Variants in ACER3 observed in about 807,000 individuals in gnomAD.
ACER3 encodes alkaline ceramidase 3, also known as alkCDase 3.
In ACER3, 16 loss-of-function variants were observed where a neutral mutation model predicts 48.9. The ratio of observed to expected loss-of-function variants is 0.33; its 90% CI spans 0.22 to 0.50. ACER3 has a LOEUF of 0.50. Among genes scored for constraint, ACER3 ranks in the 20% least tolerant of loss-of-function variants. The pLI, the probability that ACER3 is intolerant of heterozygous loss-of-function variation, is 0.98. For synonymous variants in ACER3, 109 were observed against 107.8 expected, an observed-to-expected ratio of 1.01 and a Z score of -0.07; for missense variants, 227 against 326.0, an observed-to-expected ratio of 0.70 and a Z score of 2.34.
chr11:76,990,007 C>T (rs1353111182), intron 5 of ACER3, among the ~76,000 whole-genome samples: 2 of 152,206 alleles, frequency 1.3e-5, no homozygotes, highest in African/African-American at 4.8e-5. Context: ...TCTTCACTTA[C>T]TGAGTGCCTA....
intron 1 of ACER3, among the ~76,000 whole-genome samples, chr11:76,896,126 A>G (rs539581689): frequency 1.3e-5 from 2 of 152,280 alleles, no homozygotes; most frequent in Non-Finnish European, 2.9e-5. Context: ...ATTTTTAATT[A>G]TTGCCCCTTT....
Position 76,996,411 on chromosome 11 carries a change from A to G in ACER3, c.439-2352A>G, listed in dbSNP as rs528397919. On this transcript the variant is annotated intron_variant, in intron 6 of 10. Coordinates refer to ENST00000532485, the MANE Select transcript of ACER3 (RefSeq NM_018367.7). ...TCATTGGCTTTCCATTATTATTATT[A>G]TTATTATTATTATTATTATTTTTTG... 2.0e-5 allele frequency among the ~76,000 whole-genome samples: 3 copies of G among 150,228 alleles called. No individual in the cohort carries two copies. The South Asian group carries it at 6.3e-4, about 32-fold the overall frequency.
chr11:76,910,500 T>G (rs1946351632), intron 1 of ACER3, among the ~76,000 whole-genome samples: 1 of 152,180 alleles, frequency 6.6e-6, no homozygotes, highest in South Asian at 2.1e-4. Flanking sequence ...TATTCCTTGC[T>G]TACTCAATTC....
chr11:76,971,432 C>T (rs1164357377), intron 3 of ACER3, among the ~76,000 whole-genome samples: 1 of 151,848 alleles, frequency 6.6e-6, no homozygotes, highest in Non-Finnish European at 1.5e-5. Context: ...CCCAGCTACT[C>T]GGGAGGCTGA....
chr11:76,907,082 C>T (rs935605389), intron 1 of ACER3, among the ~76,000 whole-genome samples: 1 of 151,870 alleles, frequency 6.6e-6, no homozygotes, highest in African/African-American at 2.4e-5. Flanking sequence ...TTTTTTTCAC[C>T]CTTTTTTACA....
At chr11:76,915,876 G>A (rs1176009794) in intron 1 of ACER3, among the ~76,000 whole-genome samples, 1 of 152,126 alleles carries the variant, frequency 6.6e-6, no homozygotes, top group Non-Finnish European at 1.5e-5. Flanking sequence ...TCAGTCTCAA[G>A]AACAGCATGG....
At chr11:77,007,409 C>G in intron 7 of ACER3, among the ~76,000 whole-genome samples, 1 of 152,144 alleles carries the variant, frequency 6.6e-6, no homozygotes, top group East Asian at 1.9e-4. Flanking sequence ...AGTCTAGGTT[C>G]CTCTTTGGCC....
intron 2 of ACER3, among the ~76,000 whole-genome samples, chr11:76,930,491 T>G (rs569097662): frequency 2.1e-5 from 2 of 94,606 alleles, no homozygotes; most frequent in African/African-American, 5.2e-5. Context: ...TCTTAGTTAT[T>G]TCTTGCCTTC....
intron 1 of ACER3, among the ~76,000 whole-genome samples, chr11:76,875,145 C>T (rs1270575426): frequency 2.0e-5 from 2 of 99,422 alleles, no homozygotes; most frequent in African/African-American, 7.3e-5. Flanking sequence ...GATGGAATCT[C>T]ACTCTGTTGC....
intron 1 of ACER3, among the ~76,000 whole-genome samples, chr11:76,882,927 T>C (rs1945564841): frequency 6.6e-6 from 1 of 152,190 alleles, no homozygotes; most frequent in South Asian, 2.1e-4. Context: ...GCAGACAGAA[T>C]TTAGGGATCC....
At position 77,026,081 on chromosome 11, in the gene ACER3, A is replaced by G. The variant is rs1358059642; in HGVS notation, c.*5754A>G. On this transcript the variant is annotated 3_prime_UTR_variant, in exon 11 of 11. Transcript: ENST00000532485. ...AGAAAAATTACTATGAGCAAGGTCC[A>G]TGATTTAGTTTTCAATATAAAGGGA... 3 of 152,250 alleles carry G rather than the reference A, an allele frequency of 2.0e-5. No homozygotes were observed. The highest frequency in any genetic ancestry group is 7.2e-5 in the African/African-American group (3 of 41,466). The allele number at this position is 152,250 out of a possible 1,614,324, so 9.4% of individuals were successfully genotyped here.
At chr11:76,953,263 G>A (rs1007121420) in intron 2 of ACER3, among the ~76,000 whole-genome samples, 17 of 152,068 alleles carry the variant, frequency 1.1e-4, no homozygotes, top group African/African-American at 4.1e-4. Context: ...ACACTGCAGG[G>A]AATGAAAACA....
chr11:76,971,658 T>C (rs2135128782), intron 3 of ACER3, among the ~76,000 whole-genome samples: 1 of 152,290 alleles, frequency 6.6e-6, no homozygotes, highest in Admixed American at 6.5e-5. Flanking sequence ...AGATTGATAC[T>C]TTTATACCAT....
chr11:77,005,277 C>T (rs1250379532), intron 7 of ACER3, among the ~76,000 whole-genome samples: 1 of 152,060 alleles, frequency 6.6e-6, no homozygotes, highest in African/African-American at 2.4e-5. Context: ...CCTTGTGATC[C>T]GCTGGCCGTT....
At chr11:76,927,457 TG>T (rs1946860568) in intron 2 of ACER3, among the ~76,000 whole-genome samples, 1 of 93,452 alleles carries the variant, frequency 1.1e-5, no homozygotes, top group East Asian at 3.2e-4. Flanking sequence ...TTTTCTATTC[TG>T]TTTTTTTTAT....
intron 4 of ACER3, among the ~76,000 whole-genome samples, chr11:76,979,675 C>T (rs191613082): frequency 1.2e-4 from 18 of 151,786 alleles, no homozygotes; most frequent in Admixed American, 6.6e-4. Flanking sequence ...AGATATAGAA[C>T]GGGGATCAGA....
chr11:76,923,042 T>A (rs1450171532), intron 1 of ACER3, among the ~76,000 whole-genome samples: 1 of 151,914 alleles, frequency 6.6e-6, no homozygotes, highest in South Asian at 2.1e-4. Flanking sequence ...AAAAAAAATT[T>A]AAAAATCTAG....
At chr11:76,909,813 A>G (rs973203187) in intron 1 of ACER3, among the ~76,000 whole-genome samples, 3 of 152,164 alleles carry the variant, frequency 2.0e-5, no homozygotes, top group Non-Finnish European at 4.4e-5. Flanking sequence ...ATAAAGACAC[A>G]TGCACACGTA....
chr11:76,929,731 T>G (rs10793209), intron 2 of ACER3, among the ~76,000 whole-genome samples: 86,953 of 152,078 alleles, frequency 0.57, 28,065 homozygotes, highest in Non-Finnish European at 0.74. Context: ...GATAACCATG[T>G]GGTTTTTGTC....
Sources: allele counts gnomAD v4.1 joint callset (sites outside exome capture counted in the v4.1 genomes callset), GRCh38; gene constraint gnomAD v4.1.1; transcripts MANE v1.5; gene names NCBI Gene and HGNC (gene_info 2026-07-23, HGNC 2026-07-21).